Variants in BCL11B observed in about 807,000 individuals in gnomAD.
BCL11B encodes BCL11 transcription factor B.
A neutral mutation model predicts 49.9 loss-of-function variants in BCL11B; 8 were observed. The ratio of observed to expected loss-of-function variants is 0.16; its 90% CI spans 0.09 to 0.29. BCL11B has a LOEUF of 0.29. Ranked by LOEUF, BCL11B falls within the 10% of genes least tolerant of loss-of-function variation. The probability of loss-of-function intolerance (pLI) is 1.00; values close to 1 mark genes in which losing one functional copy is unlikely to be tolerated. For synonymous variants in BCL11B, 739 were observed against 637.4 expected, an observed-to-expected ratio of 1.16 and a Z score of -2.40; for missense variants, 1,006 against 1,351.0, an observed-to-expected ratio of 0.74 and a Z score of 4.00.
At chr14:99,252,295 A>G (rs534903483) in intron 2 of BCL11B, among the ~76,000 whole-genome samples, 13 of 152,376 alleles carry the variant, frequency 8.5e-5, no homozygotes, top group African/African-American at 3.1e-4. Context: ...ACAACTCTAA[A>G]TAGATCAAGT....
Position 99,175,201 on chromosome 14 carries a change from T to C in BCL11B, c.1635A>G (p.Leu545=). ...EEEEEEEEEL[L]LENESRPESS... ...ACTCGGGCCGGCTCTCGTTCTCCAGTAGCAGCTCCTCCTCCTCCTCCTCCT... is the reference window on the plus strand; with the variant it reads ...ACTCGGGCCGGCTCTCGTTCTCCAGCAGCAGCTCCTCCTCCTCCTCCTCCT... Residue 545 remains leucine, a synonymous_variant, in exon 4 of 4, where the codon CTA becomes CTG. Coordinates refer to ENST00000357195, the MANE Select transcript of BCL11B (RefSeq NM_138576.4). The C allele has an allele frequency of 6.4e-7, 1 of 1,562,110 alleles. No homozygotes were observed. Among genetic ancestry groups the C allele is most frequent in the Non-Finnish European group, 8.7e-7 (1 of 1,155,774 alleles).
rs935939431 is a variant in BCL11B, at chr14:99,256,846, C to T, written c.427+625G>A. On this transcript the variant is annotated intron_variant, in intron 2 of 3. Transcript: ENST00000357195. The stretch of plus-strand genomic sequence containing the variant: ...GCTCCAACAAGTTCCCACACCCCTG[C>T]CTGGGACCGGCCCCTGGGGTCGGGC... 6.6e-5 allele frequency among the ~76,000 whole-genome samples: 10 copies of T among 152,288 alleles called. No homozygotes were observed. In the East Asian group the frequency reaches 1.9e-3, roughly 29 times the overall value.
chr14:99,187,357 G>A (rs767352559), intron 3 of BCL11B, among the ~76,000 whole-genome samples: 10 of 152,144 alleles, frequency 6.6e-5, no homozygotes, highest in Non-Finnish European at 8.8e-5. Flanking sequence ...TAGAGGTCCC[G>A]CCTTCGGATA....
At chr14:99,203,883 A>ACGCCC in intron 3 of BCL11B, among the ~76,000 whole-genome samples, 1 of 151,130 alleles carries the variant, frequency 6.6e-6, no homozygotes, top group Non-Finnish European at 1.5e-5. Context: ...GGCCTAGTCA[A>ACGCCC]TCTTATCGCA....
rs564532257 is a variant in BCL11B, at chr14:99,207,615, C to T, written c.640+23730G>A. 2.0e-5 allele frequency among the ~76,000 whole-genome samples: 3 copies of T among 152,346 alleles called. No individual in the cohort carries two copies. The East Asian group carries it at 5.8e-4, about 29-fold the overall frequency. ...TCAGGCACAATCTGTGCCCTGGAGG[C>T]CTTCACATTCCACACAAAGAGGATG... On this transcript the variant is annotated intron_variant, in intron 3 of 3. Transcript: ENST00000357195.
intron 2 of BCL11B, among the ~76,000 whole-genome samples, chr14:99,234,873 A>AG (rs1217300805): frequency 2.0e-5 from 3 of 151,192 alleles, no homozygotes; most frequent in Non-Finnish European, 4.4e-5. Flanking sequence ...AAAAAAAAAA[A>AG]AAAAAAAGTC....
Position 99,173,196 on chromosome 14 carries a change from C to T in BCL11B, c.*955G>A. On this transcript the variant is annotated 3_prime_UTR_variant, in exon 4 of 4. Transcript: ENST00000357195. ...CACCCCATCTCCCCAAAAAGGTACCCTCAGCCCATTTTATGTAGCCTAATC... is the reference window on the plus strand; with the variant it reads ...CACCCCATCTCCCCAAAAAGGTACCTTCAGCCCATTTTATGTAGCCTAATC... 4.4e-6 allele frequency: 1 copy of T among 229,658 alleles called. No homozygotes were observed. Among genetic ancestry groups the T allele is most frequent in the Non-Finnish European group, 8.6e-6 (1 of 115,780 alleles). 14.2% of individuals were successfully genotyped at this position (229,658 alleles called of 1,614,324 possible).
At position 99,232,081 on chromosome 14, in the gene BCL11B, C is replaced by T. The variant is rs1051906652; in HGVS notation, c.428-524G>A. Among the ~76,000 whole-genome samples the T allele has an allele frequency of 6.6e-6, 1 of 152,186 alleles. No homozygotes were observed. The highest frequency in any genetic ancestry group is 2.1e-4 in the South Asian group (1 of 4,830). On this transcript the variant is annotated intron_variant, in intron 2 of 3. Coordinates refer to ENST00000357195, the MANE Select transcript of BCL11B (RefSeq NM_138576.4). The surrounding 1 kb of genome is among the most constrained non-coding windows in gnomAD (Gnocchi z 5.1). ...GGGTCCGCCTCCAGGTGTCTGGGCT[C>T]TGTTAGCCTCCTGTCTGGCAGACCA... is the stretch of plus-strand genomic sequence containing the variant.
intron 1 of BCL11B, among the ~76,000 whole-genome samples, chr14:99,265,444 G>A (rs1403517231): frequency 1.3e-5 from 2 of 152,100 alleles, no homozygotes; most frequent in East Asian, 1.9e-4. Context: ...AGTCTCCAAC[G>A]GACAAGAACC....
intron 3 of BCL11B, among the ~76,000 whole-genome samples, chr14:99,208,485 T>C (rs1382999253): frequency 6.6e-6 from 1 of 152,174 alleles, no homozygotes; most frequent in Non-Finnish European, 1.5e-5. Flanking sequence ...ACACCTAGCT[T>C]TCCCGAGGTC....
intron 3 of BCL11B, among the ~76,000 whole-genome samples, chr14:99,216,109 G>A (rs1887828253): frequency 6.6e-6 from 1 of 152,208 alleles, no homozygotes; most frequent in African/African-American, 2.4e-5. Flanking sequence ...TCACAGGCCA[G>A]CTGCTGCTTA....
chr14:99,250,481 C>T lies in BCL11B; in HGVS notation c.427+6990G>A, dbSNP rs190829907. On this transcript the variant is annotated intron_variant, in intron 2 of 3. Transcript: ENST00000357195. ...TAGGAAAAACTCCATCTCTTTGTTT[C>T]CTCAGTGAAAAGATGACCCCAAAGG... is the stretch of plus-strand genomic sequence containing the variant. 2.7e-3 allele frequency among the ~76,000 whole-genome samples: 406 copies of T among 152,134 alleles called. 2 individuals carry two copies. The highest frequency in any genetic ancestry group is 6.8e-3 in the Middle Eastern group (2 of 294).
chr14:99,178,646 G>A (rs986121733), intron 3 of BCL11B, among the ~76,000 whole-genome samples: 16 of 152,256 alleles, frequency 1.1e-4, no homozygotes, highest in South Asian at 2.1e-4. Context: ...ATATTTAGAC[G>A]ACTCCTCACA....
At chr14:99,193,743 C>T (rs1278454975) in intron 3 of BCL11B, among the ~76,000 whole-genome samples, 1 of 152,222 alleles carries the variant, frequency 6.6e-6, no homozygotes, top group Non-Finnish European at 1.5e-5. Context: ...AGTTCTGGTC[C>T]AGACCATGAA....
intron 3 of BCL11B, among the ~76,000 whole-genome samples, chr14:99,197,947 C>A (rs948502689): frequency 5.3e-5 from 8 of 152,204 alleles, no homozygotes; most frequent in Admixed American, 2.6e-4. Flanking sequence ...AGAGACGATG[C>A]CTCCCAAATG....
At position 99,173,449 on chromosome 14, in the gene BCL11B, A is replaced by C. The variant is rs141214295; in HGVS notation, c.*702T>G. 3 of 217,556 alleles carry C rather than the reference A, an allele frequency of 1.4e-5. No individual in the cohort carries two copies. The highest frequency in any genetic ancestry group is 1.9e-4 in the South Asian group (1 of 5,374). The allele number at this position is 217,556 out of a possible 1,614,324, so 13.5% of individuals were successfully genotyped here. A position where few individuals can be genotyped will look rare whatever the true frequency, so the allele number is the denominator to read the frequency against. On this transcript the variant is annotated 3_prime_UTR_variant, in exon 4 of 4. Coordinates refer to ENST00000357195, the MANE Select transcript of BCL11B (RefSeq NM_138576.4). ...CACAGAAAAGGCCGCTTGACTCGGG[A>C]CGACATGAGTGCTACATCTCCATTC...
chr14:99,266,476 A>G (rs972363951), intron 1 of BCL11B, among the ~76,000 whole-genome samples: 2 of 152,218 alleles, frequency 1.3e-5, no homozygotes, highest in African/African-American at 4.8e-5. Context: ...GTTAAAAAAG[A>G]AAGAAAGAAA....
Position 99,174,158 on chromosome 14 carries a change from C to T in BCL11B, c.2678G>A (p.Arg893Lys), listed in dbSNP as rs1270987269. ...GCGCCGGGGCCCGCGCGCTTAGCTCCTCTCGGCCTGCTCGATTTTGACGTC... is the reference window on the plus strand; with the variant it reads ...GCGCCGGGGCCCGCGCGCTTAGCTCTTCTCGGCCTGCTCGATTTTGACGTC... ...TNDVKIEQAE[R>K]S The change falls in exon 4 of 4, where the codon AGG becomes AAG. Residue 893 changes from arginine (R) to lysine (K), a missense_variant. Physicochemically the swap from Arg to Lys is conservative, Grantham distance 26. This residue lies in a region of BCL11B where 16 missense variants were observed against 24.1 expected (regional missense o/e 0.67). Coordinates refer to ENST00000357195, the MANE Select transcript of BCL11B (RefSeq NM_138576.4). 5 of 1,612,086 alleles carry T rather than the reference C, an allele frequency of 3.1e-6. No individual in the cohort carries two copies. Among genetic ancestry groups the T allele is most frequent in the Non-Finnish European group, 4.2e-6 (5 of 1,179,962 alleles).
At chr14:99,199,392 G>C (rs951332122) in intron 3 of BCL11B, among the ~76,000 whole-genome samples, 1 of 152,142 alleles carries the variant, frequency 6.6e-6, no homozygotes, top group African/African-American at 2.4e-5. Context: ...TTCAATTAGA[G>C]GCGAAGTTTC....
Sources: allele counts gnomAD v4.1 joint callset (sites outside exome capture counted in the v4.1 genomes callset), GRCh38; gene constraint gnomAD v4.1.1; regional missense constraint gnomAD v4.1.1; non-coding constraint Gnocchi (gnomAD v3.1); transcripts MANE v1.5; gene names NCBI Gene and HGNC (gene_info 2026-07-23, HGNC 2026-07-21).